Variants in PPP6R3 observed in about 807,000 individuals in gnomAD.
PPP6R3 encodes the protein serine/threonine-protein phosphatase 6 regulatory subunit 3.
A neutral mutation model predicts 110.7 loss-of-function variants in PPP6R3; 38 were observed. The observed-to-expected ratio is 0.34, with a 90% CI of 0.26 to 0.45. The LOEUF (loss-of-function observed/expected upper bound fraction) is 0.45. PPP6R3 is among the 20% of genes least tolerant of loss of function. PPP6R3 has a pLI of 1.00. For missense variants in PPP6R3, 870 were observed against 1,062.4 expected (o/e 0.82, Z 2.52); for synonymous variants, 369 against 373.5 (o/e 0.99, Z 0.14).
Position 68,583,411 on chromosome 11 carries a change from T to C in PPP6R3, c.1632+282T>C, listed in dbSNP as rs2099568800. The stretch of plus-strand genomic sequence containing the variant: ...AATAGTTAAGAAGGCATCTCACACA[T>C]GCTTGTTACACAGACCTTTACAATA... On this transcript the variant is annotated intron_variant, in intron 15 of 23. Transcript: ENST00000393800. Among the ~76,000 whole-genome samples the C allele has an allele frequency of 3.3e-5, 5 of 152,366 alleles. 1 individual carries two copies. The South Asian group carries it at 1.0e-3, about 32-fold the overall frequency.
At chr11:68,544,437 C>A (rs2099338277) in intron 3 of PPP6R3, among the ~76,000 whole-genome samples, 1 of 152,164 alleles carries the variant, frequency 6.6e-6, no homozygotes, top group African/African-American at 2.4e-5. Context: ...TTCCTGGAAA[C>A]CAGTGTCCTC....
intron 23 of PPP6R3, 39 bp downstream of exon 23, chr11:68,610,062 C>G: frequency 6.2e-7 from 1 of 1,603,516 alleles, no homozygotes; most frequent in Middle Eastern, 1.7e-4. Flanking sequence ...AGGCCCTGCC[C>G]TGACCTTGCC....
In PPP6R3 at chr11:68,476,471, AG is replaced by A. The variant is rs1431899415; in HGVS notation, c.-158+15649del. On this transcript the variant is annotated intron_variant, in intron 1 of 23. Coordinates refer to ENST00000393800, the MANE Select transcript of PPP6R3 (RefSeq NM_001164161.2). ...GACCGTGGGGAGAGGGGGGAGGGGG[AG>A]GGGGAGGGGGAGGGCTATTTAACTT... Among the ~76,000 whole-genome samples, 24 of 5,076 alleles carry A rather than the reference AG, an allele frequency of 4.7e-3. No individual in the cohort carries two copies. In the East Asian group the frequency reaches 0.11, roughly 22 times the overall value. The allele number at this position is 5,076 out of a possible 152,430, so 3.3% of individuals were successfully genotyped here.
intron 1 of PPP6R3, among the ~76,000 whole-genome samples, chr11:68,515,504 G>A (rs938635714): frequency 6.6e-6 from 1 of 152,242 alleles, no homozygotes; most frequent in Non-Finnish European, 1.5e-5. Flanking sequence ...GCTCGGAAGA[G>A]CTTGCAAACC....
chr11:68,614,211 TA>T lies in PPP6R3; in HGVS notation c.*1097del. The T allele has an allele frequency of 1.0e-6, 1 of 988,634 alleles. No individual in the cohort carries two copies. The highest frequency in any genetic ancestry group is 1.2e-6 in the Non-Finnish European group (1 of 831,850). 61.2% of individuals were successfully genotyped at this position (988,634 alleles called of 1,614,324 possible). ...CTTGTGAGGTTTTCACTCATAAATT[TA>T]AACCAGTGTATTTTTTTAGAACTGG... On this transcript the variant is annotated 3_prime_UTR_variant, in exon 24 of 24. Coordinates refer to ENST00000393800, the MANE Select transcript of PPP6R3 (RefSeq NM_001164161.2).
At chr11:68,601,779 T>TA in intron 20 of PPP6R3, 84 bp from the exon 21 acceptor site, 2 of 1,139,866 alleles carry the variant, frequency 1.8e-6, no homozygotes, top group South Asian at 1.5e-5. Context: ...AACAAAAACT[T>TA]ACTTGTAAAG....
rs74876760 is a variant in PPP6R3, at chr11:68,529,731, A to G, written c.-6-7928A>G. Among the ~76,000 whole-genome samples the G allele has an allele frequency of 9.2e-3, 1,402 of 152,328 alleles. 12 individuals carry two copies. Among genetic ancestry groups the G allele is most frequent in the Non-Finnish European group, 0.013 (855 of 68,032 alleles). On this transcript the variant is annotated intron_variant, in intron 2 of 23. Coordinates refer to ENST00000393800, the MANE Select transcript of PPP6R3 (RefSeq NM_001164161.2). The stretch of plus-strand genomic sequence containing the variant: ...TTTTTGAGTTGAAGAATATCTGCCC[A>G]AGTTGTTACATTTCAAGAATATACA...
At chr11:68,490,033 AT>A (rs993102796) in intron 1 of PPP6R3, among the ~76,000 whole-genome samples, 6 of 151,918 alleles carry the variant, frequency 3.9e-5, no homozygotes, top group Non-Finnish European at 8.8e-5. Flanking sequence ...AGAAAAATCA[AT>A]TTTTTTTGAA....
intron 2 of PPP6R3, among the ~76,000 whole-genome samples, chr11:68,536,288 G>GT (rs1351251563): frequency 4.0e-5 from 6 of 150,968 alleles, no homozygotes; most frequent in South Asian, 2.1e-4. Flanking sequence ...TTTTTTCTTT[G>GT]TTTTTTGTTT....
At chr11:68,466,769 C>T (rs1209366715) in intron 1 of PPP6R3, among the ~76,000 whole-genome samples, 8 of 151,992 alleles carry the variant, frequency 5.3e-5, no homozygotes, top group African/African-American at 1.2e-4. Flanking sequence ...CCTGCCACCA[C>T]GCCCGGCTAA....
chr11:68,546,289 C>G (rs1312434344), intron 4 of PPP6R3, among the ~76,000 whole-genome samples: 1 of 152,170 alleles, frequency 6.6e-6, no homozygotes, highest in East Asian at 1.9e-4. Flanking sequence ...TCCTATCACC[C>G]TGATATTACC....
At chr11:68,582,452 G>C (rs1407801352) in intron 14 of PPP6R3, among the ~76,000 whole-genome samples, 1 of 152,180 alleles carries the variant, frequency 6.6e-6, no homozygotes, top group Non-Finnish European at 1.5e-5. Context: ...TGTAAGTTCT[G>C]GGGGCAGGGT....
At chr11:68,517,863 A>G (rs925207094) in intron 1 of PPP6R3, among the ~76,000 whole-genome samples, 15 of 151,930 alleles carry the variant, frequency 9.9e-5, no homozygotes, top group Non-Finnish European at 2.2e-4. Flanking sequence ...ACTTGAGCCC[A>G]GGAGGTGGAG....
intron 8 of PPP6R3, among the ~76,000 whole-genome samples, chr11:68,559,937 C>T (rs1477381406): frequency 6.9e-6 from 1 of 144,116 alleles, no homozygotes; most frequent in Non-Finnish European, 1.5e-5. Flanking sequence ...CTTCTCACCC[C>T]AGCGGTACGG....
intron 19 of PPP6R3, among the ~76,000 whole-genome samples, chr11:68,598,973 G>C (rs1233976400): frequency 6.6e-6 from 1 of 152,196 alleles, no homozygotes; most frequent in Non-Finnish European, 1.5e-5. Context: ...ACTCTGTGCA[G>C]GCCCTCCTGT....
chr11:68,567,080 A>G lies in PPP6R3; in HGVS notation c.1042A>G (p.Ile348Val), dbSNP rs1272861505. 6.4e-7 allele frequency: 1 copy of G among 1,551,560 alleles called. No individual in the cohort carries two copies. The highest frequency in any genetic ancestry group is 8.7e-7 in the Non-Finnish European group (1 of 1,146,884). Reference protein sequence around the residue: ...PPVGNTRLNVIRLISSLLQTN... With the variant: ...PPVGNTRLNVVRLISSLLQTN... ...TGTGGGGAATACCCGGTTGAATGTC[A>G]TTAGGTTGATATCCAGCCTGCTTCA... Residue 348 changes from isoleucine to valine, a missense_variant, in exon 10 of 24, where the codon ATT becomes GTT. Coordinates refer to ENST00000393800, the MANE Select transcript of PPP6R3 (RefSeq NM_001164161.2).
In PPP6R3 at chr11:68,573,142, AT is replaced by A. The variant is rs1255065402; in HGVS notation, c.1344-966del. Reference sequence around the variant, plus strand: ...TATATATATATATATATATATATATATATATATATATAATTTTTTTTTTTTT... The same window carrying A: ...TATATATATATATATATATATATATAATATATATATAATTTTTTTTTTTTT... On this transcript the variant is annotated intron_variant, in intron 12 of 23. Coordinates refer to ENST00000393800, the MANE Select transcript of PPP6R3 (RefSeq NM_001164161.2). Among the ~76,000 whole-genome samples the A allele has an allele frequency of 3.0e-3, 299 of 98,454 alleles. 6 individuals are homozygous for A. The highest frequency in any genetic ancestry group is 0.019 in the Middle Eastern group (4 of 206). 64.6% of individuals were successfully genotyped at this position (98,454 alleles called of 152,430 possible).
chr11:68,479,604 T>G (rs2098886323), intron 1 of PPP6R3, among the ~76,000 whole-genome samples: 2 of 152,230 alleles, frequency 1.3e-5, no homozygotes, highest in Non-Finnish European at 2.9e-5. Context: ...GTCAGTCGTT[T>G]CTCTGCAGGT....
intron 1 of PPP6R3, among the ~76,000 whole-genome samples, chr11:68,500,302 A>G (rs907634575): frequency 2.0e-5 from 3 of 149,330 alleles, no homozygotes; most frequent in Admixed American, 6.7e-5. Context: ...TTTTTTGTAT[A>G]TGGGTTCCTC....
Sources: allele counts gnomAD v4.1 joint callset (sites outside exome capture counted in the v4.1 genomes callset), GRCh38; gene constraint gnomAD v4.1.1; transcripts MANE v1.5; gene names NCBI Gene and HGNC (gene_info 2026-07-23, HGNC 2026-07-21).